The following STX8 variants were observed in gnomAD, a reference collection of about 807,000 sequenced individuals.
STX8 encodes syntaxin 8.
A neutral mutation model predicts 37.5 loss-of-function variants in STX8; 23 were observed. The observed-to-expected ratio is 0.61, with a 90% confidence interval of 0.44 to 0.87. The LOEUF is 0.87. Ranked by LOEUF, STX8 falls within the 40% of genes least tolerant of loss-of-function variation. The probability of loss-of-function intolerance (pLI) is 0.00; values close to 1 mark genes in which losing one functional copy is unlikely to be tolerated. For missense variants in STX8, 313 were observed against 284.7 expected (o/e 1.10, Z -0.71); for synonymous variants, 115 against 99.1 (o/e 1.16, Z -0.95).
chr17:9,322,814 TAAAAAAAAAAAA>T (rs59941529), intron 7 of STX8, among the ~76,000 whole-genome samples: 650 of 64,728 alleles, frequency 0.01, 9 homozygotes, highest in African/African-American at 0.038. Flanking sequence ...GTGCATTTGC[TAAAAAAAAAAAA>T]AAAAAAAAAA....
At chr17:9,304,929 GTATA>G (rs373766283) in intron 7 of STX8, among the ~76,000 whole-genome samples, 4 of 96,204 alleles carry the variant, frequency 4.2e-5, no homozygotes. Context: ...AAAAAAATAT[GTATA>G]TATATATATA....
chr17:9,494,205 C>T (rs1272116565), intron 5 of STX8, among the ~76,000 whole-genome samples: 1 of 151,626 alleles, frequency 6.6e-6, no homozygotes, highest in Non-Finnish European at 1.5e-5. Flanking sequence ...TTAATAGAGA[C>T]GGGGTTTCAC....
intron 6 of STX8, among the ~76,000 whole-genome samples, chr17:9,427,024 C>A (rs1913658271): frequency 6.6e-6 from 1 of 152,086 alleles, no homozygotes; most frequent in Admixed American, 6.5e-5. Context: ...ATTTTTATAA[C>A]TACTTTCAGC....
chr17:9,461,310 G>A (rs984682046), intron 6 of STX8: 1 of 152,114 alleles, frequency 6.6e-6, no homozygotes, highest in South Asian at 2.1e-4. Context: ...GAGAGGAGTG[G>A]TTTCCAGTGG....
intron 7 of STX8, among the ~76,000 whole-genome samples, chr17:9,300,026 C>T (rs535612631): frequency 6.6e-6 from 1 of 152,236 alleles, no homozygotes; most frequent in South Asian, 2.1e-4. Flanking sequence ...TTATAAATTT[C>T]TGGGGTTGAA....
At chr17:9,553,811 C>G (rs1236763723) in intron 3 of STX8, 1 of 152,216 alleles carries the variant, frequency 6.6e-6, no homozygotes, top group Non-Finnish European at 1.5e-5. Flanking sequence ...CAGGTGACAG[C>G]TGACTGTATT....
chr17:9,267,597 C>CTTCT (rs1907275514), intron 7 of STX8, among the ~76,000 whole-genome samples: 1 of 152,200 alleles, frequency 6.6e-6, no homozygotes, highest in East Asian at 1.9e-4. Context: ...TCTTGAAAAC[C>CTTCT]TTCTCTAGCT....
At chr17:9,346,203 T>A (rs935889141) in intron 7 of STX8, among the ~76,000 whole-genome samples, 1 of 152,108 alleles carries the variant, frequency 6.6e-6, no homozygotes, top group Non-Finnish European at 1.5e-5. Context: ...GGAAAGCAGA[T>A]CCTATACAGT....
chr17:9,476,264 T>G (rs1219018666), intron 6 of STX8, among the ~76,000 whole-genome samples: 3 of 152,170 alleles, frequency 2.0e-5, no homozygotes, highest in Non-Finnish European at 4.4e-5. Flanking sequence ...CCTTCATTCA[T>G]AAATATGAAG....
chr17:9,257,154 GA>G (rs891281051), intron 7 of STX8, among the ~76,000 whole-genome samples: 1 of 151,804 alleles, frequency 6.6e-6, no homozygotes, highest in Admixed American at 6.6e-5. Context: ...TACAAGAGTG[GA>G]AAAAAATGTC....
At chr17:9,459,171 G>A (rs1421727921) in intron 6 of STX8, among the ~76,000 whole-genome samples, 2 of 152,158 alleles carry the variant, frequency 1.3e-5, no homozygotes, top group Admixed American at 6.5e-5. Flanking sequence ...AAGGCAGAGA[G>A]AGCCATTAAC....
At chr17:9,526,975 C>T (rs970595804) in intron 4 of STX8, among the ~76,000 whole-genome samples, 6 of 150,622 alleles carry the variant, frequency 4.0e-5, no homozygotes, top group Non-Finnish European at 7.4e-5. Flanking sequence ...GTCAGGAGAT[C>T]GAGACCATCC....
chr17:9,253,620 G>T (rs1906674577), intron 7 of STX8, among the ~76,000 whole-genome samples: 2 of 152,210 alleles, frequency 1.3e-5, no homozygotes, highest in African/African-American at 2.4e-5. Context: ...ACAGGGAGGG[G>T]CTGGCAGCTG....
rs192639274 is a variant in STX8 at position 9,298,760 on chromosome 17, C to T, written c.644-48115G>A. 5.3e-5 allele frequency among the ~76,000 whole-genome samples: 8 copies of T among 152,158 alleles called. 1 individual carries two copies. In the East Asian group the frequency reaches 1.4e-3, roughly 26 times the overall value. ...CCAGAAGGCGGAGGTTGCAGTGAGCCGAGATCACGCCACTGCACTCCAGTC... is the reference window on the plus strand; with the variant it reads ...CCAGAAGGCGGAGGTTGCAGTGAGCTGAGATCACGCCACTGCACTCCAGTC... On this transcript the variant is annotated intron_variant, in intron 7 of 7. Coordinates refer to ENST00000306357, the MANE Select transcript of STX8 (RefSeq NM_004853.3).
intron 4 of STX8, 67 bp downstream of exon 4, chr17:9,545,105 A>C: frequency 2.1e-6 from 2 of 952,384 alleles, no homozygotes; most frequent in Non-Finnish European, 3.3e-6. Flanking sequence ...CCATTCAGGA[A>C]ACAGCTGTAG....
At chr17:9,470,836 C>A (rs1434593381) in intron 6 of STX8, among the ~76,000 whole-genome samples, 2 of 151,668 alleles carry the variant, frequency 1.3e-5, no homozygotes, top group African/African-American at 4.8e-5. Context: ...ACACCATTCT[C>A]CTGCCTCAGC....
chr17:9,315,734 G>A (rs1181106884), intron 7 of STX8, among the ~76,000 whole-genome samples: 1 of 152,088 alleles, frequency 6.6e-6, no homozygotes, highest in Non-Finnish European at 1.5e-5. Flanking sequence ...TAAAGCTGGT[G>A]GGCATGGTGG....
chr17:9,325,419 T>C (rs185646454), intron 7 of STX8, among the ~76,000 whole-genome samples: 234 of 152,204 alleles, frequency 1.5e-3, no homozygotes, highest in Admixed American at 0.012. Flanking sequence ...CCAAGACCCA[T>C]CTATGGACTT....
At chr17:9,571,998 G>A (rs1907708673) in intron 1 of STX8, among the ~76,000 whole-genome samples, 1 of 152,056 alleles carries the variant, frequency 6.6e-6, no homozygotes, top group African/African-American at 2.4e-5. Flanking sequence ...TGGGTGGTGA[G>A]TATGAAAGGG....
Sources: allele counts gnomAD v4.1 joint callset (sites outside exome capture counted in the v4.1 genomes callset), GRCh38; gene constraint gnomAD v4.1.1; transcripts MANE v1.5; gene names NCBI Gene and HGNC (gene_info 2026-07-23, HGNC 2026-07-21).